Variants in RRN3 observed in about 807,000 individuals in gnomAD.
RRN3 encodes the protein RNA polymerase I transcription factor RRN3.
RRN3 carries 38 observed loss-of-function variants against 82.3 expected under a neutral mutation model. The observed-to-expected ratio is 0.46, with a 90% CI of 0.36 to 0.61. The LOEUF (loss-of-function observed/expected upper bound fraction) is 0.61. Ranked by LOEUF, RRN3 falls within the 20% of genes least tolerant of loss-of-function variation. RRN3 has a pLI of 0.00. For synonymous variants in RRN3, 284 were observed against 284.3 expected, an observed-to-expected ratio of 1.00 and a Z score of 0.01; for missense variants, 726 against 793.1, an observed-to-expected ratio of 0.92 and a Z score of 1.02.
rs756896836 is a variant in RRN3 at position 15,073,042 on chromosome 16, C to A, written c.1036G>T (p.Asp346Tyr). 6.2e-6 allele frequency: 10 copies of A among 1,612,764 alleles called. No individual in the cohort carries two copies. In the Admixed American group the frequency reaches 6.7e-5, roughly 11 times the overall value. The change falls in exon 12 of 18, where the codon GAC becomes TAC. Residue 346 changes from aspartate to tyrosine, a missense_variant. Physicochemically the swap from Asp to Tyr is radical, Grantham distance 160 (BLOSUM62 -3). This residue lies in a region of RRN3 where 344 missense variants were observed against 394.5 expected (regional missense o/e 0.87). Coordinates refer to ENST00000198767, the MANE Select transcript of RRN3 (RefSeq NM_018427.5). ...DNGKTKDLYR[D>Y]LINIFDKLLL... ...AGTTTGTCAAAGATGTTTATCAGGTCGCGATATAGATCCTTTGTTTTGCCG... is the reference window on the plus strand; with the variant it reads ...AGTTTGTCAAAGATGTTTATCAGGTAGCGATATAGATCCTTTGTTTTGCCG...
chr16:15,075,497 G>A lies in RRN3; in HGVS notation c.859-636C>T, dbSNP rs553967249. On this transcript the variant is annotated intron_variant, in intron 10 of 17. Transcript: ENST00000198767. ...GAGGTGGGCAGATCACTTGGGCCCA[G>A]GAGGTCGAGGCTGGAGTGGGCCAAG... 5.4e-4 allele frequency among the ~76,000 whole-genome samples: 82 copies of A among 151,680 alleles called. 1 individual carries two copies. The highest frequency in any genetic ancestry group is 4.0e-3 in the Admixed American group (61 of 15,246).
At chr16:15,092,112 G>A (rs2046155845) in intron 2 of RRN3, among the ~76,000 whole-genome samples, 1 of 152,176 alleles carries the variant, frequency 6.6e-6, no homozygotes, top group Non-Finnish European at 1.5e-5. Context: ...CTGGGAGGTG[G>A]AGGATGCAGT....
chr16:15,082,452 C>T (rs1173871943), intron 8 of RRN3, among the ~76,000 whole-genome samples: 4 of 151,942 alleles, frequency 2.6e-5, no homozygotes, highest in Non-Finnish European at 4.4e-5. Flanking sequence ...ACGGGTAGAT[C>T]GCTTGAGGTC....
chr16:15,079,834 T>G (rs1463700571), intron 9 of RRN3, among the ~76,000 whole-genome samples, 164 bp downstream of exon 9: 5 of 152,190 alleles, frequency 3.3e-5, no homozygotes, highest in African/African-American at 1.2e-4. Flanking sequence ...TGACCTCAGG[T>G]GATCTGCCTG....
chr16:15,063,649 G>A lies in RRN3; in HGVS notation c.1707-366C>T, dbSNP rs185391206. ...GAACCTGGGAGACGGAGCTTGCAGC[G>A]AGCCGAGATCGCGCCACTGCACTCC... On this transcript the variant is annotated intron_variant, in intron 16 of 17. Transcript: ENST00000198767. Among the ~76,000 whole-genome samples, 1,192 of 142,912 alleles carry A rather than the reference G, an allele frequency of 8.3e-3. 21 individuals carry two copies. Among genetic ancestry groups the A allele is most frequent in the African/African-American group, 0.028 (1,112 of 39,080 alleles). The allele number at this position is 142,912 out of a possible 152,430, so 93.8% of individuals were successfully genotyped here.
chr16:15,068,223 T>C lies in RRN3; in HGVS notation c.1499A>G (p.Asn500Ser). The C allele has an allele frequency of 6.3e-7, 1 of 1,594,796 alleles. No homozygotes were observed. Among genetic ancestry groups the C allele is most frequent in the Non-Finnish European group, 8.5e-7 (1 of 1,171,092 alleles). ...TGAGGGCAGGCAAATCTTCAGGGGATTTAGCTGGCTCATCACTATCCGCTC... is the reference window on the plus strand; with the variant it reads ...TGAGGGCAGGCAAATCTTCAGGGGACTTAGCTGGCTCATCACTATCCGCTC... Reference protein sequence around the residue: ...NFERIVMSQLNPLKICLPSVV... With the variant: ...NFERIVMSQLSPLKICLPSVV... The change falls in exon 15 of 18, where the codon AAT becomes AGT. Residue 500 changes from asparagine to serine, a missense_variant. Asn to Ser is a conservative substitution (Grantham distance 46). Coordinates refer to ENST00000198767, the MANE Select transcript of RRN3 (RefSeq NM_018427.5).
intron 16 of RRN3, among the ~76,000 whole-genome samples, 161 bp downstream of exon 16, chr16:15,065,058 C>T (rs1338163070): frequency 6.6e-6 from 1 of 151,474 alleles, no homozygotes; most frequent in East Asian, 2.0e-4. Flanking sequence ...CCCAGCTACT[C>T]GGGAGGCTGA....
chr16:15,064,910 T>C (rs2044893910), intron 16 of RRN3, among the ~76,000 whole-genome samples: 1 of 152,176 alleles, frequency 6.6e-6, no homozygotes, highest in Admixed American at 6.5e-5. Flanking sequence ...CTCACGCCTG[T>C]AATCCCAGCA....
Position 15,071,342 on chromosome 16 carries a change from G to C in RRN3, c.1129-91C>G, listed in dbSNP as rs1872720810. 8.2e-6 allele frequency: 10 copies of C among 1,226,076 alleles called. No individual in the cohort carries two copies. The South Asian group carries it at 1.4e-4, about 17-fold the overall frequency. The allele number at this position is 1,226,076 out of a possible 1,614,324, so 75.9% of individuals were successfully genotyped here. A position where few individuals can be genotyped will look rare whatever the true frequency, so the allele number is the denominator to read the frequency against. On this transcript the variant is annotated intron_variant, in intron 12 of 17. Coordinates refer to ENST00000198767, the MANE Select transcript of RRN3 (RefSeq NM_018427.5). Reference sequence around the variant, plus strand: ...CCAAGATTTTTACTTCACCAATGTAGGGAAAAGTTCTACTATCTCATAACT... The same window carrying C: ...CCAAGATTTTTACTTCACCAATGTACGGAAAAGTTCTACTATCTCATAACT...
chr16:15,086,522 TTATATCAA>T (rs2045922592), intron 3 of RRN3, 68 bp from the exon 4 acceptor site: 1 of 1,590,926 alleles, frequency 6.3e-7, no homozygotes, highest in South Asian at 1.1e-5. Context: ...TACAGCTATC[TTATATCAA>T]TCATTTATCA....
Position 15,061,535 on chromosome 16 carries a change from G to A in RRN3, c.*209C>T, listed in dbSNP as rs1287052161. ...CCACTGTAAAAGATTGCACATGATAGTCTTCATTTTGTCTGTAAGGGGAAC... is the reference window on the plus strand; with the variant it reads ...CCACTGTAAAAGATTGCACATGATAATCTTCATTTTGTCTGTAAGGGGAAC... On this transcript the variant is annotated 3_prime_UTR_variant, in exon 18 of 18. Coordinates refer to ENST00000198767, the MANE Select transcript of RRN3 (RefSeq NM_018427.5). 6.6e-6 allele frequency: 3 copies of A among 452,560 alleles called. No individual in the cohort carries two copies. The highest frequency in any genetic ancestry group is 1.2e-5 in the Non-Finnish European group (3 of 254,102). 28.0% of individuals were successfully genotyped at this position (452,560 alleles called of 1,614,324 possible). A position where few individuals can be genotyped will look rare whatever the true frequency, so the allele number is the denominator to read the frequency against.
chr16:15,076,331 A>G, intron 10 of RRN3: 3 of 598,516 alleles, frequency 5.0e-6, no homozygotes, highest in Non-Finnish European at 8.9e-6. Flanking sequence ...TACAAGAACA[A>G]AAGTGAAACA....
At chr16:15,077,199 G>C (rs1361707293) in intron 9 of RRN3, among the ~76,000 whole-genome samples, 1 of 151,612 alleles carries the variant, frequency 6.6e-6, no homozygotes, top group African/African-American at 2.4e-5. Context: ...GGCTGGTCTC[G>C]AACTCCTGAC....
intron 1 of RRN3, 157 bp downstream of exon 1, chr16:15,093,988 G>T (rs2046246132): frequency 1.2e-5 from 8 of 692,758 alleles, no homozygotes; most frequent in Non-Finnish European, 2.1e-5. Flanking sequence ...ACCCAGTTAG[G>T]AGGAATGAGC....
chr16:15,092,486 C>A, intron 2 of RRN3, 23 bp downstream of exon 2: 5 of 1,519,142 alleles, frequency 3.3e-6, no homozygotes, highest in Non-Finnish European at 4.6e-6. Flanking sequence ...CAAAAGCAAA[C>A]CTCACACATT....
intron 16 of RRN3, among the ~76,000 whole-genome samples, chr16:15,064,640 A>G (rs1358603933): frequency 6.6e-6 from 1 of 152,232 alleles, no homozygotes; most frequent in Admixed American, 6.5e-5. Flanking sequence ...CAGTTTAAAG[A>G]AAAACAAAAA....
In RRN3 at chr16:15,081,097, C is replaced by T. The variant is rs189698004; in HGVS notation, c.667-1001G>A. Among the ~76,000 whole-genome samples, 854 of 152,212 alleles carry T rather than the reference C, an allele frequency of 5.6e-3. 12 individuals are homozygous for T. Among genetic ancestry groups the T allele is most frequent in the Middle Eastern group, 0.014 (4 of 294 alleles). ...CATTGCTGAGTAATATTCCATTGTACCATGTTTTGTCTGTTCATCAGTTGA... is the reference window on the plus strand; with the variant it reads ...CATTGCTGAGTAATATTCCATTGTATCATGTTTTGTCTGTTCATCAGTTGA... On this transcript the variant is annotated intron_variant, in intron 8 of 17. Coordinates refer to ENST00000198767, the MANE Select transcript of RRN3 (RefSeq NM_018427.5).
intron 7 of RRN3, 34 bp from the exon 8 acceptor site, chr16:15,083,616 C>A: frequency 6.3e-7 from 1 of 1,587,040 alleles, no homozygotes; most frequent in Non-Finnish European, 8.6e-7. Context: ...TCCATGTTAA[C>A]TTTACTTTCT....
At chr16:15,074,634 A>T in intron 11 of RRN3, 89 bp downstream of exon 11, 1 of 905,692 alleles carries the variant, frequency 1.1e-6, no homozygotes, top group Non-Finnish European at 1.6e-6. Context: ...CAGGATTTTT[A>T]GTATTACTAG....
Sources: allele counts gnomAD v4.1 joint callset (sites outside exome capture counted in the v4.1 genomes callset), GRCh38; gene constraint gnomAD v4.1.1; regional missense constraint gnomAD v4.1.1; transcripts MANE v1.5; gene names NCBI Gene and HGNC (gene_info 2026-07-23, HGNC 2026-07-21).